Variants in DYRK2 observed in about 807,000 individuals in gnomAD.
The protein encoded by DYRK2 is dual specificity tyrosine phosphorylation regulated kinase 2, also known as dual specificity tyrosine-phosphorylation-regulated kinase 2.
Under a neutral mutation model 41.6 loss-of-function variants are expected in DYRK2, and 12 were observed. The observed-to-expected ratio is 0.29, with a 90% CI of 0.18 to 0.47. DYRK2 has a LOEUF of 0.47. DYRK2 is among the 20% of genes least tolerant of loss of function. The pLI is 1.00. For synonymous variants in DYRK2, 322 were observed against 315.7 expected (o/e 1.02, Z -0.21); for missense variants, 678 against 798.4 (o/e 0.85, Z 1.82).
Position 67,663,583 on chromosome 12 carries a change from A to C in DYRK2, c.*4870A>C, listed in dbSNP as rs546334229. 2.0e-5 allele frequency: 3 copies of C among 152,120 alleles called. No individual in the cohort carries two copies. The highest frequency in any genetic ancestry group is 4.4e-5 in the Non-Finnish European group (3 of 67,996). 9.4% of individuals were successfully genotyped at this position (152,120 alleles called of 1,614,324 possible). A position where few individuals can be genotyped will look rare whatever the true frequency, so the allele number is the denominator to read the frequency against. On this transcript the variant is annotated 3_prime_UTR_variant, in exon 3 of 3. Transcript: ENST00000344096. ...TCTTAAAGTTCACACCCAGTGCAAAAAACCCAATCAGCAAACTAACCCCAA... is the reference window on the plus strand; with the variant it reads ...TCTTAAAGTTCACACCCAGTGCAAACAACCCAATCAGCAAACTAACCCCAA...
chr12:67,655,666 A>G (rs1259607994), intron 2 of DYRK2, among the ~76,000 whole-genome samples: 1 of 152,166 alleles, frequency 6.6e-6, no homozygotes, highest in African/African-American at 2.4e-5. Flanking sequence ...GTTTTGTTTT[A>G]GTTAGAAGTG....
chr12:67,655,647 T>C (rs989374653), intron 2 of DYRK2, among the ~76,000 whole-genome samples: 4 of 152,192 alleles, frequency 2.6e-5, no homozygotes, highest in African/African-American at 7.2e-5. Flanking sequence ...GCCCCAAGTA[T>C]TGTCTTCTGT....
rs201919838 is a variant in DYRK2 at position 67,658,650 on chromosome 12, G to A, written c.1743G>A (p.Ala581=). The change falls in exon 3 of 3, where the codon GCG becomes GCA. Residue 581 remains alanine, a synonymous_variant. Coordinates refer to ENST00000344096, the MANE Select transcript of DYRK2 (RefSeq NM_006482.3). The surrounding 1 kb of genome is among the most constrained non-coding windows in gnomAD (Gnocchi z 4.3). ...CTTCCAAACTGAGGACTAATTTGGC[G>A]CAGATGACAGATGCCAATGGGAATA... The part of the protein sequence containing the change: ...SSASKLRTNL[A]QMTDANGNIQ... The A allele has an allele frequency of 2.4e-5, 38 of 1,614,008 alleles. 1 individual carries two copies. Among genetic ancestry groups the A allele is most frequent in the African/African-American group, 5.3e-5 (4 of 75,024 alleles).
At chr12:67,654,585 C>A (rs759712012) in intron 2 of DYRK2, among the ~76,000 whole-genome samples, 16 of 152,096 alleles carry the variant, frequency 1.1e-4, no homozygotes, top group Non-Finnish European at 1.9e-4. Context: ...AGTAATGATG[C>A]ATCTTCTTGG....
At position 67,661,261 on chromosome 12, in the gene DYRK2, A is replaced by T. The variant is rs1436528372; in HGVS notation, c.*2548A>T. On this transcript the variant is annotated 3_prime_UTR_variant, in exon 3 of 3. Coordinates refer to ENST00000344096, the MANE Select transcript of DYRK2 (RefSeq NM_006482.3). ...GTGATTTTAAAACATAAATTAATGA[A>T]GGCTCTGATAGGCTATTAGGAGTTG... 1 of 167,080 alleles carries T rather than the reference A, an allele frequency of 6.0e-6. No individual in the cohort carries two copies. The highest frequency in any genetic ancestry group is 1.5e-5 in the Non-Finnish European group (1 of 68,108). 10.3% of individuals were successfully genotyped at this position (167,080 alleles called of 1,614,324 possible).
At position 67,655,263 on chromosome 12, in the gene DYRK2, A is replaced by T. The variant is rs1393996747; in HGVS notation, c.199-1843A>T. ...TATAGCATGTATACAGGTAATGTGA[A>T]TTTTTCTGCTGAAATATCACCACTC... On this transcript the variant is annotated intron_variant, in intron 2 of 2. Transcript: ENST00000344096. 2.0e-5 allele frequency among the ~76,000 whole-genome samples: 3 copies of T among 152,152 alleles called. No individual in the cohort carries two copies. In the East Asian group the frequency reaches 5.8e-4, roughly 29 times the overall value.
At chr12:67,653,987 A>G (rs937166704) in intron 2 of DYRK2, among the ~76,000 whole-genome samples, 1 of 152,268 alleles carries the variant, frequency 6.6e-6, no homozygotes, top group Non-Finnish European at 1.5e-5. Context: ...TTGACTGACT[A>G]CTAAGCACTT....
intron 2 of DYRK2, among the ~76,000 whole-genome samples, chr12:67,651,948 A>T (rs770343799): frequency 2.5e-4 from 38 of 151,936 alleles, no homozygotes; most frequent in Non-Finnish European, 4.0e-4. Flanking sequence ...AAATGCAAGA[A>T]CCTTTGTAGA....
Position 67,648,881 on chromosome 12 carries a change from G to A in DYRK2, c.-253G>A. On this transcript the variant is annotated 5_prime_UTR_variant, in exon 1 of 3. Coordinates refer to ENST00000344096, the MANE Select transcript of DYRK2 (RefSeq NM_006482.3). ...GAGGGCGAGGCATGTGCACGGGCCG[G>A]AGGGTGCTGCAGCCGCCCGAGGAAG... 3.2e-6 allele frequency: 1 copy of A among 316,330 alleles called. No homozygotes were observed. The highest frequency in any genetic ancestry group is 5.7e-6 in the Non-Finnish European group (1 of 175,208). The allele number at this position is 316,330 out of a possible 1,614,324, so 19.6% of individuals were successfully genotyped here. A position where few individuals can be genotyped will look rare whatever the true frequency, so the allele number is the denominator to read the frequency against.
intron 2 of DYRK2, among the ~76,000 whole-genome samples, chr12:67,650,388 A>T (rs907620276): frequency 5.1e-4 from 77 of 152,306 alleles, no homozygotes; most frequent in Admixed American, 4.8e-3. Flanking sequence ...TCGATCCCCC[A>T]AAGAGCCTCC....
chr12:67,650,356 CCAG>C (rs1285022028), intron 2 of DYRK2, among the ~76,000 whole-genome samples: 1 of 152,224 alleles, frequency 6.6e-6, no homozygotes, highest in Non-Finnish European at 1.5e-5. Flanking sequence ...TAGGGGACAG[CCAG>C]ACCGGCCTGC....
intron 1 of DYRK2, chr12:67,649,561 C>G: frequency 2.3e-6 from 1 of 439,276 alleles, no homozygotes. Flanking sequence ...GCCCGGCTCC[C>G]CCGCCGGGTC....
intron 2 of DYRK2, among the ~76,000 whole-genome samples, chr12:67,652,183 C>T (rs1255317281): frequency 6.6e-6 from 1 of 152,010 alleles, no homozygotes; most frequent in African/African-American, 2.4e-5. Context: ...TTTATCTAGA[C>T]CATTGCCCTT....
rs1472255112 is a variant in DYRK2, at chr12:67,657,316, T to A, written c.409T>A (p.Ser137Thr). 1.9e-6 allele frequency: 3 copies of A among 1,613,602 alleles called. No individual in the cohort carries two copies. In the Admixed American group the frequency reaches 5.0e-5, roughly 27 times the overall value. ...LDSIHRRQGS[S>T]TSLKSMEGMG... ...CAGCATTCATAGACGGCAGGGGAGCTCCACCTCTCTAAAGTCCATGGAAGG... is the reference window on the plus strand; with the variant it reads ...CAGCATTCATAGACGGCAGGGGAGCACCACCTCTCTAAAGTCCATGGAAGG... Residue 137 changes from serine (S) to threonine (T), a missense_variant, in exon 3 of 3, where the codon TCC (serine) becomes ACC (threonine). This residue lies in a region of DYRK2 where 285 missense variants were observed against 279.2 expected (regional missense o/e 1.02). Coordinates refer to ENST00000344096, the MANE Select transcript of DYRK2 (RefSeq NM_006482.3). This position sits in a 1 kb window ranked among gnomAD's most constrained non-coding sequence, Gnocchi z 4.8.
At chr12:67,650,780 C>T (rs1592711251) in intron 2 of DYRK2, among the ~76,000 whole-genome samples, 1 of 152,160 alleles carries the variant, frequency 6.6e-6, no homozygotes, top group African/African-American at 2.4e-5. Context: ...TGGAGGAGGT[C>T]TGCACTTGGA....
intron 2 of DYRK2, chr12:67,651,482 A>G (rs538873865): frequency 7.4e-5 from 31 of 417,508 alleles, no homozygotes; most frequent in Admixed American, 2.6e-4. Flanking sequence ...TGAAACGACA[A>G]GTCTCCACTG....
intron 2 of DYRK2, among the ~76,000 whole-genome samples, chr12:67,656,433 T>C (rs1872470499): frequency 6.6e-6 from 1 of 152,194 alleles, no homozygotes; most frequent in Admixed American, 6.5e-5. Context: ...TAAATGGTTA[T>C]TACAGTTAGT....
At chr12:67,650,987 A>G (rs553548640) in intron 2 of DYRK2, among the ~76,000 whole-genome samples, 9 of 152,358 alleles carry the variant, frequency 5.9e-5, no homozygotes, top group South Asian at 4.1e-4. Context: ...CTTGTTTGTC[A>G]GAGAACTGTG....
At chr12:67,654,842 G>A (rs1872420293) in intron 2 of DYRK2, among the ~76,000 whole-genome samples, 1 of 152,190 alleles carries the variant, frequency 6.6e-6, no homozygotes, top group Non-Finnish European at 1.5e-5. Context: ...CACCTTGGAA[G>A]GTCTGAGCTC....
Sources: gnomAD v4.1 joint callset for allele counts (sites outside exome capture counted in the v4.1 genomes callset) on GRCh38, gnomAD v4.1.1 for gene constraint, gnomAD v4.1.1 regional missense constraint, Gnocchi (gnomAD v3.1) non-coding constraint, MANE v1.5 for transcripts, NCBI Gene and HGNC (gene_info 2026-07-23, HGNC 2026-07-21) for gene names.